Variants in ATF7IP2 observed in about 807,000 individuals in gnomAD.
ATF7IP2 encodes activating transcription factor 7-interacting protein 2.
Under a neutral mutation model 64.2 loss-of-function variants are expected in ATF7IP2, and 42 were observed. The observed-to-expected ratio is 0.65, with a 90% CI of 0.51 to 0.85. The LOEUF (loss-of-function observed/expected upper bound fraction) is 0.85. ATF7IP2 is among the 40% of genes least tolerant of loss of function. The pLI is 0.00. For synonymous variants in ATF7IP2, 308 were observed against 272.8 expected (o/e 1.13, Z -1.27); for missense variants, 933 against 784.2 (o/e 1.19, Z -2.27).
intron 1 of ATF7IP2, among the ~76,000 whole-genome samples, chr16:10,391,989 G>A (rs967497793): frequency 6.6e-6 from 1 of 150,912 alleles, no homozygotes; most frequent in Non-Finnish European, 1.5e-5. Flanking sequence ...ATTTTAAATT[G>A]TGTTGAAATG....
chr16:10,471,928 C>G (rs540310257), intron 9 of ATF7IP2, 182 bp from the exon 10 acceptor site: 2 of 412,738 alleles, frequency 4.8e-6, no homozygotes, highest in African/African-American at 4.1e-5. Flanking sequence ...AGTCATATAA[C>G]GGAACTGGTA....
intron 3 of ATF7IP2, among the ~76,000 whole-genome samples, chr16:10,422,936 T>C (rs922419103): frequency 1.4e-4 from 22 of 152,212 alleles, no homozygotes; most frequent in African/African-American, 5.3e-4. Context: ...CTGTATGTAC[T>C]TGCATTCCTT....
intron 6 of ATF7IP2, among the ~76,000 whole-genome samples, chr16:10,433,970 C>G (rs1485411360): frequency 6.6e-6 from 1 of 152,138 alleles, no homozygotes; most frequent in Non-Finnish European, 1.5e-5. Flanking sequence ...TGACCTTCAG[C>G]TTTATTAAAG....
At chr16:10,386,891 A>C (rs891181989) in intron 1 of ATF7IP2, 1 of 152,190 alleles carries the variant, frequency 6.6e-6, no homozygotes, top group African/African-American at 2.4e-5. Flanking sequence ...ACCTTACCGC[A>C]CTTAAGGAAA....
At chr16:10,428,196 C>T (rs1482831385) in intron 3 of ATF7IP2, among the ~76,000 whole-genome samples, 1 of 152,136 alleles carries the variant, frequency 6.6e-6, no homozygotes, top group Non-Finnish European at 1.5e-5. Context: ...TAAGTAAATG[C>T]AGGTTACTGA....
chr16:10,394,798 AG>A (rs1185702398), intron 1 of ATF7IP2, among the ~76,000 whole-genome samples: 1 of 152,212 alleles, frequency 6.6e-6, no homozygotes, highest in African/African-American at 2.4e-5. Flanking sequence ...AAATACTTTG[AG>A]GTGAATGAAA....
intron 1 of ATF7IP2, among the ~76,000 whole-genome samples, chr16:10,402,748 G>A (rs928470287): frequency 2.0e-5 from 3 of 152,058 alleles, no homozygotes; most frequent in Non-Finnish European, 2.9e-5. Context: ...ACAGGCATGC[G>A]TGACTATGTC....
intron 9 of ATF7IP2, among the ~76,000 whole-genome samples, chr16:10,465,908 A>G (rs2049552133): frequency 6.6e-6 from 1 of 152,152 alleles, no homozygotes; most frequent in African/African-American, 2.4e-5. Flanking sequence ...CATAATTTTT[A>G]AAATATAGTT....
intron 8 of ATF7IP2, among the ~76,000 whole-genome samples, chr16:10,451,193 C>T (rs2048973485): frequency 6.6e-6 from 1 of 152,228 alleles, no homozygotes; most frequent in Non-Finnish European, 1.5e-5. Context: ...TGCTGTTAGT[C>T]TGATGGGCTT....
chr16:10,417,484 CATG>C (rs1181773913), intron 2 of ATF7IP2, among the ~76,000 whole-genome samples: 3 of 152,106 alleles, frequency 2.0e-5, no homozygotes, highest in African/African-American at 7.2e-5. Flanking sequence ...GAAAGACAAA[CATG>C]ATCATTATTT....
chr16:10,482,380 A>G lies in ATF7IP2; in HGVS notation c.*131A>G. On this transcript the variant is annotated 3_prime_UTR_variant, in exon 14 of 14. Coordinates refer to ENST00000562102, the MANE Select transcript of ATF7IP2 (RefSeq NM_001393719.1). ...CTTTCTATTGGGACAGTCCTCTTCT[A>G]TATGTTTTAAGTGGCCAGTAATTTA... is the stretch of plus-strand genomic sequence containing the variant. The G allele has an allele frequency of 1.5e-6, 1 of 652,730 alleles. No homozygotes were observed. Among genetic ancestry groups the G allele is most frequent in the Non-Finnish European group, 2.5e-6 (1 of 395,000 alleles). The allele number at this position is 652,730 out of a possible 1,614,324, so 40.4% of individuals were successfully genotyped here.
intron 9 of ATF7IP2, among the ~76,000 whole-genome samples, chr16:10,468,472 T>C (rs766000770): frequency 2.6e-5 from 4 of 152,184 alleles, no homozygotes; most frequent in Non-Finnish European, 5.9e-5. Flanking sequence ...GGATCATGAT[T>C]GGGAAAACAA....
chr16:10,433,445 G>C (rs1337160881), intron 5 of ATF7IP2, 80 bp from the exon 6 acceptor site: 1 of 1,340,078 alleles, frequency 7.5e-7, no homozygotes, highest in Non-Finnish European at 1.0e-6. Context: ...AGAGTGCTGG[G>C]ATTACAGACA....
intron 3 of ATF7IP2, among the ~76,000 whole-genome samples, chr16:10,427,637 C>G (rs1293089032): frequency 6.6e-6 from 1 of 152,156 alleles, no homozygotes; most frequent in African/African-American, 2.4e-5. Context: ...ATGAGGATCA[C>G]TTCAGCCCAG....
At chr16:10,474,038 A>G (rs2049911138) in intron 12 of ATF7IP2, 49 bp downstream of exon 12, 2 of 1,234,542 alleles carry the variant, frequency 1.6e-6, no homozygotes, top group Non-Finnish European at 2.3e-6. Context: ...GGGAAGGGTA[A>G]CAACTCATAA....
At position 10,441,518 on chromosome 16, in the gene ATF7IP2, T is replaced by C. The variant is rs113576399; in HGVS notation, c.1194+1056T>C. On this transcript the variant is annotated intron_variant, in intron 8 of 13. Transcript: ENST00000562102. ...TATAATGACCAGTGATGATCAGCTA[T>C]TTTTCATGTTTGTTGGCTGCATAAA... Among the ~76,000 whole-genome samples, 663 of 152,352 alleles carry C rather than the reference T, an allele frequency of 4.4e-3. 4 individuals are homozygous for C. Among genetic ancestry groups the C allele is most frequent in the African/African-American group, 0.015 (634 of 41,582 alleles).
At chr16:10,395,129 A>T (rs1009220761) in intron 1 of ATF7IP2, among the ~76,000 whole-genome samples, 1 of 152,050 alleles carries the variant, frequency 6.6e-6, no homozygotes, top group Non-Finnish European at 1.5e-5. Context: ...GGAATGAATG[A>T]GGGGACATTA....
intron 1 of ATF7IP2, among the ~76,000 whole-genome samples, chr16:10,387,919 G>T (rs73512929): frequency 0.036 from 4,405 of 120,766 alleles, 205 homozygotes; most frequent in African/African-American, 0.13. Flanking sequence ...ATTTTTCTTT[G>T]TGAGGCAGAG....
At chr16:10,391,695 C>G (rs970842475) in intron 1 of ATF7IP2, among the ~76,000 whole-genome samples, 8 of 152,030 alleles carry the variant, frequency 5.3e-5, no homozygotes, top group Admixed American at 4.6e-4. Context: ...GTCAGGAGTT[C>G]AAGTCCAGCC....
Sources: allele counts gnomAD v4.1 joint callset (sites outside exome capture counted in the v4.1 genomes callset), GRCh38; gene constraint gnomAD v4.1.1; transcripts MANE v1.5; gene names NCBI Gene and HGNC (gene_info 2026-07-23, HGNC 2026-07-21).